The following STXBP6 variants were observed in gnomAD, a reference collection of about 807,000 sequenced individuals.
STXBP6 encodes syntaxin-binding protein 6.
In STXBP6, 21 loss-of-function variants were observed where a neutral mutation model predicts 26.9. That is an observed-to-expected ratio of 0.78 (90% CI 0.55 to 1.12). The LOEUF (loss-of-function observed/expected upper bound fraction) is 1.12, where lower values mean the gene tolerates loss of function less well. STXBP6 is among the 50% of genes most tolerant of loss of function. The pLI is 0.00. For missense variants in STXBP6, 232 were observed against 257.9 expected, an observed-to-expected ratio of 0.90 and a Z score of 0.69; for synonymous variants, 97 against 92.6, an observed-to-expected ratio of 1.05 and a Z score of -0.27.
intron 1 of STXBP6, among the ~76,000 whole-genome samples, chr14:25,025,644 G>A (rs1164970201): frequency 5.3e-5 from 8 of 152,076 alleles, no homozygotes; most frequent in South Asian, 2.1e-4. Context: ...CATTGCCACC[G>A]CATCCCTCAG....
At chr14:25,044,487 A>G (rs986992048) in intron 1 of STXBP6, among the ~76,000 whole-genome samples, 3 of 152,168 alleles carry the variant, frequency 2.0e-5, no homozygotes, top group Admixed American at 1.3e-4. Flanking sequence ...GAACACTTCC[A>G]TGCCCCCGTC....
chr14:24,823,403 A>C (rs1264430586), intron 4 of STXBP6, among the ~76,000 whole-genome samples: 1 of 152,174 alleles, frequency 6.6e-6, no homozygotes, highest in Non-Finnish European at 1.5e-5. Flanking sequence ...CCAATAGTTC[A>C]ATTATCTACA....
intron 2 of STXBP6, among the ~76,000 whole-genome samples, chr14:24,932,434 T>C (rs2072451108): frequency 1.3e-5 from 2 of 152,314 alleles, no homozygotes; most frequent in South Asian, 4.1e-4. Context: ...AATGAAAAGA[T>C]GGCTTGAGCC....
chr14:24,948,479 C>T (rs1361180882), intron 2 of STXBP6, among the ~76,000 whole-genome samples: 1 of 152,006 alleles, frequency 6.6e-6, no homozygotes, highest in African/African-American at 2.4e-5. Flanking sequence ...GTTACTGGCC[C>T]AAATAGGGAC....
chr14:25,045,347 G>T (rs1004453086), intron 1 of STXBP6, among the ~76,000 whole-genome samples: 1 of 151,972 alleles, frequency 6.6e-6, no homozygotes, highest in Non-Finnish European at 1.5e-5. Context: ...AAATGGATTT[G>T]CCCTTTATAA....
intron 4 of STXBP6, among the ~76,000 whole-genome samples, chr14:24,832,446 A>T (rs2068483120): frequency 6.6e-6 from 1 of 152,184 alleles, no homozygotes; most frequent in Non-Finnish European, 1.5e-5. Context: ...CACAAGTCCA[A>T]TTTCTGTCCA....
chr14:24,999,713 CAG>C (rs2074704697), intron 1 of STXBP6, among the ~76,000 whole-genome samples: 2 of 152,208 alleles, frequency 1.3e-5, no homozygotes, highest in South Asian at 2.1e-4. Flanking sequence ...AGTTTAAAAA[CAG>C]AGGATTATAG....
In STXBP6 at chr14:24,917,599, A is replaced by T. The variant is rs536178625; in HGVS notation, c.154+57066T>A. 6.6e-5 allele frequency among the ~76,000 whole-genome samples: 10 copies of T among 152,242 alleles called. No individual in the cohort carries two copies. In the South Asian group the frequency reaches 1.4e-3, roughly 22 times the overall value. ...CACCTACCTCATACTATATACAAAA[A>T]TTAACCTGAATAAATTATAGACATA... On this transcript the variant is annotated intron_variant, in intron 2 of 5. Coordinates refer to ENST00000323944, the MANE Select transcript of STXBP6 (RefSeq NM_001394410.1).
At chr14:24,847,418 T>C (rs1399743145) in intron 4 of STXBP6, among the ~76,000 whole-genome samples, 2 of 152,198 alleles carry the variant, frequency 1.3e-5, no homozygotes, top group East Asian at 1.9e-4. Context: ...TTTTATCTTT[T>C]ATTGTTAATG....
At chr14:25,015,126 A>T (rs1270915694) in intron 1 of STXBP6, among the ~76,000 whole-genome samples, 1 of 152,216 alleles carries the variant, frequency 6.6e-6, no homozygotes, top group Non-Finnish European at 1.5e-5. Flanking sequence ...TTTAAAATTG[A>T]ATTCTAAAAG....
At chr14:24,865,732 C>G (rs976249499) in intron 2 of STXBP6, among the ~76,000 whole-genome samples, 4 of 152,000 alleles carry the variant, frequency 2.6e-5, no homozygotes, top group African/African-American at 7.2e-5. Flanking sequence ...ATAATTAGCC[C>G]TAGACAAGCA....
intron 4 of STXBP6, among the ~76,000 whole-genome samples, chr14:24,846,924 C>T (rs2068984046): frequency 6.6e-6 from 1 of 151,874 alleles, no homozygotes; most frequent in Non-Finnish European, 1.5e-5. Flanking sequence ...TTTTATTTAC[C>T]CCTTCACTAA....
At chr14:25,011,917 AAACTATTACTACATTTTG>A (rs2075041126) in intron 1 of STXBP6, among the ~76,000 whole-genome samples, 1 of 152,226 alleles carries the variant, frequency 6.6e-6, no homozygotes, top group African/African-American at 2.4e-5. Flanking sequence ...ATACTCTAAA[AAACTATTACTACATTTTG>A]AATTTCCTAC....
chr14:24,983,083 G>A (rs1400056316), intron 1 of STXBP6, among the ~76,000 whole-genome samples: 1 of 152,150 alleles, frequency 6.6e-6, no homozygotes, highest in Non-Finnish European at 1.5e-5. Context: ...CTACAGTAAT[G>A]GGTAGAAATA....
At position 24,811,373 on chromosome 14, in the gene STXBP6, T is replaced by C. The variant is rs879926617; in HGVS notation, c.*1336A>G. On this transcript the variant is annotated 3_prime_UTR_variant, in exon 6 of 6. Coordinates refer to ENST00000323944, the MANE Select transcript of STXBP6 (RefSeq NM_001394410.1). ...CCTGAAGATTCAGGCAGCTTAAAAA[T>C]CAATGCGCTGCAGTGGTAGGCTTAC... The C allele has an allele frequency of 6.6e-6, 1 of 152,174 alleles. No individual in the cohort carries two copies. The highest frequency in any genetic ancestry group is 1.5e-5 in the Non-Finnish European group (1 of 68,028). 9.4% of individuals were successfully genotyped at this position (152,174 alleles called of 1,614,324 possible). A position where few individuals can be genotyped will look rare whatever the true frequency, so the allele number is the denominator to read the frequency against.
chr14:24,901,136 T>A (rs1272305651), intron 2 of STXBP6, among the ~76,000 whole-genome samples: 1 of 114,098 alleles, frequency 8.8e-6, no homozygotes, highest in African/African-American at 3.0e-5. Context: ...TTGAACCGTA[T>A]AGACAGGATT....
chr14:24,897,185 C>A lies in STXBP6; in HGVS notation c.155-40028G>T, dbSNP rs563333312. The stretch of plus-strand genomic sequence containing the variant: ...CAGCACTTTGGGAGGCTGAGGCAGG[C>A]AGATCACGAGGTCAGGAGATTGAGA... On this transcript the variant is annotated intron_variant, in intron 2 of 5. Coordinates refer to ENST00000323944, the MANE Select transcript of STXBP6 (RefSeq NM_001394410.1). Among the ~76,000 whole-genome samples the A allele has an allele frequency of 4.4e-3, 661 of 151,910 alleles. 1 individual carries two copies. Among genetic ancestry groups the A allele is most frequent in the African/African-American group, 0.015 (632 of 41,438 alleles).
intron 2 of STXBP6, among the ~76,000 whole-genome samples, chr14:24,954,851 C>T (rs368906633): frequency 6.6e-6 from 1 of 152,190 alleles, no homozygotes; most frequent in Non-Finnish European, 1.5e-5. Context: ...CTGTCCACAG[C>T]GCAGATATAA....
At chr14:25,006,413 G>T (rs1566556122) in intron 1 of STXBP6, among the ~76,000 whole-genome samples, 1 of 152,114 alleles carries the variant, frequency 6.6e-6, no homozygotes, top group Non-Finnish European at 1.5e-5. Context: ...ATATGTATAT[G>T]TGTGTGTATA....
Sources: allele counts gnomAD v4.1 joint callset (sites outside exome capture counted in the v4.1 genomes callset), GRCh38; gene constraint gnomAD v4.1.1; transcripts MANE v1.5; gene names NCBI Gene and HGNC (gene_info 2026-07-23, HGNC 2026-07-21).